ZNF267: variants seen among roughly 807,000 people sequenced by gnomAD.
The protein encoded by ZNF267 is zinc finger protein 267.
A neutral mutation model predicts 71.6 loss-of-function variants in ZNF267; 61 were observed. That is an observed-to-expected ratio of 0.85 (90% CI 0.69 to 1.05). The LOEUF (loss-of-function observed/expected upper bound fraction) is 1.05. ZNF267 is among the 50% of genes least tolerant of loss of function. The probability of loss-of-function intolerance (pLI) is 0.00; values close to 1 mark genes in which losing one functional copy is unlikely to be tolerated. For synonymous variants in ZNF267, 288 were observed against 293.2 expected, an observed-to-expected ratio of 0.98 and a Z score of 0.18; for missense variants, 852 against 870.0, an observed-to-expected ratio of 0.98 and a Z score of 0.26.
chr16:31,887,118 CTTA>C (rs1222198855), intron 3 of ZNF267, among the ~76,000 whole-genome samples: 2 of 152,022 alleles, frequency 1.3e-5, no homozygotes, highest in Non-Finnish European at 2.9e-5. Context: ...GAGATGATAT[CTTA>C]TTATGGTTTT....
chr16:31,889,255 GTCTC>G (rs779378659), intron 3 of ZNF267, among the ~76,000 whole-genome samples: 10 of 143,282 alleles, frequency 7.0e-5, no homozygotes, highest in East Asian at 2.1e-4. Flanking sequence ...TATTTTTCTA[GTCTC>G]TCTCTCTCTT....
intron 3 of ZNF267, among the ~76,000 whole-genome samples, chr16:31,905,777 C>T (rs775751164): frequency 6.6e-6 from 1 of 152,202 alleles, no homozygotes; most frequent in Non-Finnish European, 1.5e-5. Context: ...ACGCCTTCTT[C>T]TCTCACCTCG....
In ZNF267 at chr16:31,889,118, T is replaced by G. The variant is rs996765687; in HGVS notation, c.226+3862T>G. 5.9e-5 allele frequency among the ~76,000 whole-genome samples: 9 copies of G among 151,760 alleles called. No individual in the cohort carries two copies. The South Asian group carries it at 1.2e-3, about 21-fold the overall frequency. ...TCTTATTTTTTTTCTTTCTGTGATA[T>G]CAGCTGGAATGACTGCTTTTTCATT... On this transcript the variant is annotated intron_variant, in intron 3 of 3. Transcript: ENST00000300870.
At chr16:31,893,560 A>G (rs1001422474) in intron 3 of ZNF267, among the ~76,000 whole-genome samples, 6 of 152,218 alleles carry the variant, frequency 3.9e-5, no homozygotes, top group African/African-American at 1.2e-4. Flanking sequence ...ATAAAACTGA[A>G]TACCTTTAGC....
At chr16:31,901,704 A>G (rs1388276505) in intron 3 of ZNF267, among the ~76,000 whole-genome samples, 2 of 152,330 alleles carry the variant, frequency 1.3e-5, no homozygotes, top group African/African-American at 4.8e-5. Context: ...GCCCTTTGTC[A>G]GATGAGTAGG....
intron 3 of ZNF267, among the ~76,000 whole-genome samples, chr16:31,911,192 A>G (rs2084132790): frequency 6.6e-6 from 1 of 151,652 alleles, no homozygotes. Flanking sequence ...TTTATTAGGT[A>G]TATTTGGTTT....
In ZNF267 at chr16:31,916,275, A is replaced by T; in HGVS notation, c.2026A>T (p.Thr676Ser). The T allele has an allele frequency of 2.5e-6, 4 of 1,614,142 alleles. 1 individual carries two copies. The East Asian group carries it at 6.7e-5, about 27-fold the overall frequency. ...GKAFNSRSYL[T>S]THRRRHTGER... The stretch of plus-strand genomic sequence containing the variant: ...AGCCTTCAACTCTAGGTCATACCTC[A>T]CTACACATCGGAGAAGACATACTGG... Residue 676 changes from threonine to serine, a missense_variant, in exon 4 of 4, where the codon ACT (threonine) becomes TCT (serine). Coordinates refer to ENST00000300870, the MANE Select transcript of ZNF267 (RefSeq NM_003414.6).
chr16:31,904,442 C>T (rs568612141), intron 3 of ZNF267, among the ~76,000 whole-genome samples: 26 of 152,260 alleles, frequency 1.7e-4, no homozygotes, highest in African/African-American at 3.4e-4. Context: ...TAGGACACTA[C>T]GGACTTGCTT....
chr16:31,895,401 A>G (rs1019711730), intron 3 of ZNF267, among the ~76,000 whole-genome samples: 7 of 152,180 alleles, frequency 4.6e-5, no homozygotes, highest in African/African-American at 1.4e-4. Flanking sequence ...TATCTTGGCT[A>G]TTATAAATAG....
intron 1 of ZNF267, chr16:31,875,042 C>G: frequency 1.9e-6 from 2 of 1,047,402 alleles, no homozygotes; most frequent in Non-Finnish European, 2.6e-6. Context: ...ATCCCTGACA[C>G]TCCACTGCAA....
At chr16:31,897,662 T>A (rs139429460) in intron 3 of ZNF267, among the ~76,000 whole-genome samples, 1 of 152,142 alleles carries the variant, frequency 6.6e-6, no homozygotes, top group African/African-American at 2.4e-5. Flanking sequence ...AGAGAGTACA[T>A]TGAATCTGTA....
At chr16:31,902,419 C>T (rs1422591788) in intron 3 of ZNF267, among the ~76,000 whole-genome samples, 1 of 152,088 alleles carries the variant, frequency 6.6e-6, no homozygotes, top group Non-Finnish European at 1.5e-5. Flanking sequence ...ATTCTTCCTA[C>T]CCATGAGCAT....
At position 31,915,141 on chromosome 16, in the gene ZNF267, A is replaced by C; in HGVS notation, c.892A>C (p.Asn298His). The C allele has an allele frequency of 2.5e-6, 4 of 1,613,148 alleles. No homozygotes were observed. The highest frequency in any genetic ancestry group is 3.4e-6 in the Non-Finnish European group (4 of 1,179,694). ...TATCAGAGAAAACTCATATAGCTATAACAAATATGATAAAGATCTTAGTCA... is the reference window on the plus strand; with the variant it reads ...TATCAGAGAAAACTCATATAGCTATCACAAATATGATAAAGATCTTAGTCA... ...IHIRENSYSY[N>H]KYDKDLSQSS... The change falls in exon 4 of 4, where the codon AAC becomes CAC. Residue 298 changes from asparagine (N) to histidine (H), a missense_variant. By Grantham distance (68) the Asn-to-His change is moderately conservative (BLOSUM62 1). Coordinates refer to ENST00000300870, the MANE Select transcript of ZNF267 (RefSeq NM_003414.6).
chr16:31,909,064 C>T (rs2084113975), intron 3 of ZNF267, among the ~76,000 whole-genome samples: 1 of 138,412 alleles, frequency 7.2e-6, no homozygotes, highest in African/African-American at 2.8e-5. Context: ...GGATATTTTT[C>T]GTGTGTGTGT....
chr16:31,898,219 T>G (rs2084013926), intron 3 of ZNF267, among the ~76,000 whole-genome samples: 1 of 152,172 alleles, frequency 6.6e-6, no homozygotes, highest in African/African-American at 2.4e-5. Flanking sequence ...TATTATTATA[T>G]AATGCCCTTT....
chr16:31,907,034 C>G (rs910543971), intron 3 of ZNF267, among the ~76,000 whole-genome samples: 1 of 152,042 alleles, frequency 6.6e-6, no homozygotes, highest in Non-Finnish European at 1.5e-5. Context: ...ATCCTGCCAT[C>G]TTCTGGCTTG....
intron 1 of ZNF267, among the ~76,000 whole-genome samples, chr16:31,875,837 T>A (rs1567470213): frequency 1.3e-5 from 2 of 152,204 alleles, no homozygotes; most frequent in African/African-American, 4.8e-5. Flanking sequence ...GCTTGAAAGA[T>A]AAAAAACATT....
At chr16:31,906,069 A>T (rs1373365405) in intron 3 of ZNF267, among the ~76,000 whole-genome samples, 1 of 152,186 alleles carries the variant, frequency 6.6e-6, no homozygotes, top group African/African-American at 2.4e-5. Context: ...TGTATGTCTG[A>T]GTATCAGCAG....
In ZNF267 at chr16:31,909,891, G is replaced by C. The variant is rs937141989; in HGVS notation, c.227-4585G>C. Among the ~76,000 whole-genome samples the C allele has an allele frequency of 4.6e-5, 7 of 152,304 alleles. 1 individual carries two copies. The highest frequency in any genetic ancestry group is 4.6e-4 in the Admixed American group (7 of 15,294). ...TTTTCCTCCATTCAGGATGATACTA[G>C]CTGTGGATCTGTCATATATGGTTTT... is the stretch of plus-strand genomic sequence containing the variant. On this transcript the variant is annotated intron_variant, in intron 3 of 3. Transcript: ENST00000300870.
Sources: allele counts gnomAD v4.1 joint callset (sites outside exome capture counted in the v4.1 genomes callset), GRCh38; gene constraint gnomAD v4.1.1; transcripts MANE v1.5; gene names NCBI Gene and HGNC (gene_info 2026-07-23, HGNC 2026-07-21).